Variants in UBE2R2 observed in about 807,000 individuals in gnomAD.
The protein encoded by UBE2R2 is ubiquitin conjugating enzyme E2 R2, also known as ubiquitin-conjugating enzyme E2 R2.
In UBE2R2, 1 loss-of-function variant was observed where a neutral mutation model predicts 27.8. That is an observed-to-expected ratio of 0.04 (90% confidence interval 0.01 to 0.17). The LOEUF (loss-of-function observed/expected upper bound fraction) is 0.17, where lower values mean the gene tolerates loss of function less well. Ranked by LOEUF, UBE2R2 falls within the 10% of genes least tolerant of loss-of-function variation. The pLI, the probability that UBE2R2 is intolerant of heterozygous loss-of-function variation, is 1.00. For synonymous variants in UBE2R2, 106 were observed against 113.3 expected, an observed-to-expected ratio of 0.94 and a Z score of 0.41; for missense variants, 100 against 291.0, an observed-to-expected ratio of 0.34 and a Z score of 4.78.
At chr9:33,897,604 C>T (rs932955974) in intron 2 of UBE2R2, among the ~76,000 whole-genome samples, 7 of 151,818 alleles carry the variant, frequency 4.6e-5, no homozygotes, top group Non-Finnish European at 8.8e-5. Flanking sequence ...AGGCGTGAGC[C>T]ACTGCACCTG....
chr9:33,899,415 C>T, intron 2 of UBE2R2, among the ~76,000 whole-genome samples: 1 of 148,440 alleles, frequency 6.7e-6, no homozygotes, highest in East Asian at 2.0e-4. Flanking sequence ...CCCTCTGTTG[C>T]CCAGGATGGA....
chr9:33,876,549 C>T (rs1422659642), intron 1 of UBE2R2, among the ~76,000 whole-genome samples: 1 of 152,102 alleles, frequency 6.6e-6, no homozygotes, highest in East Asian at 1.9e-4. Flanking sequence ...AATAGCCTTA[C>T]CAGAAGCACA....
upstream of UBE2R2, among the ~76,000 whole-genome samples, chr9:33,816,498 T>C (rs2130684071): frequency 6.6e-6 from 1 of 152,334 alleles, no homozygotes; most frequent in East Asian, 1.9e-4. Context: ...ATTGTCTTTT[T>C]CCTCACAACT....
chr9:33,891,249 C>T (rs1260348430), intron 2 of UBE2R2, among the ~76,000 whole-genome samples: 1 of 151,822 alleles, frequency 6.6e-6, no homozygotes, highest in Non-Finnish European at 1.5e-5. Flanking sequence ...ACATCTTGGC[C>T]AGGCTGGTCT....
intron 1 of UBE2R2, among the ~76,000 whole-genome samples, chr9:33,878,624 A>G (rs1821666502): frequency 6.6e-6 from 1 of 152,188 alleles, no homozygotes; most frequent in Non-Finnish European, 1.5e-5. Flanking sequence ...TCTCAAATTT[A>G]CAAAAAAAAG....
At chr9:33,852,519 A>C (rs1408055105) in intron 1 of UBE2R2, among the ~76,000 whole-genome samples, 2 of 152,140 alleles carry the variant, frequency 1.3e-5, no homozygotes, top group Non-Finnish European at 2.9e-5. Context: ...GTTGATGCCA[A>C]GTTCTTTGGC....
At chr9:33,873,876 C>G (rs1354279222) in intron 1 of UBE2R2, among the ~76,000 whole-genome samples, 1 of 151,916 alleles carries the variant, frequency 6.6e-6, no homozygotes, top group Non-Finnish European at 1.5e-5. Context: ...CTTCTGGGCT[C>G]AAGCGATCCG....
chr9:33,904,391 A>G (rs1822307162), intron 3 of UBE2R2, among the ~76,000 whole-genome samples: 1 of 152,154 alleles, frequency 6.6e-6, no homozygotes, highest in East Asian at 1.9e-4. Flanking sequence ...TGGAGATGGC[A>G]TAGGGTTCAT....
intron 2 of UBE2R2, among the ~76,000 whole-genome samples, chr9:33,887,646 TTTTGTTTG>T (rs201263026): frequency 0.051 from 7,650 of 150,180 alleles, 254 homozygotes; most frequent in African/African-American, 0.095. Context: ...AAGTGTGCTT[TTTTGTTTG>T]TTTGTTTGTT....
At chr9:33,914,003 A>G (rs749509607) in intron 4 of UBE2R2, among the ~76,000 whole-genome samples, 1 of 152,208 alleles carries the variant, frequency 6.6e-6, no homozygotes, top group Non-Finnish European at 1.5e-5. Flanking sequence ...TTAGGTATAC[A>G]TATTCCCAAG....
At chr9:33,906,645 C>T (rs1236418925) in intron 3 of UBE2R2, among the ~76,000 whole-genome samples, 1 of 152,122 alleles carries the variant, frequency 6.6e-6, no homozygotes, top group Non-Finnish European at 1.5e-5. Flanking sequence ...CTTATGGTGA[C>T]ATAGTAGCTA....
At chr9:33,902,904 A>G (rs1314852545) in intron 3 of UBE2R2, among the ~76,000 whole-genome samples, 1 of 152,158 alleles carries the variant, frequency 6.6e-6, no homozygotes, top group Non-Finnish European at 1.5e-5. Flanking sequence ...GTTCAAGACT[A>G]GCCTGACCAA....
chr9:33,844,515 ATTTTTTTT>A (rs34578523), intron 1 of UBE2R2, among the ~76,000 whole-genome samples: 1 of 110,170 alleles, frequency 9.1e-6, no homozygotes, highest in Non-Finnish European at 1.8e-5. Context: ...TCCCACATCT[ATTTTTTTT>A]TTTTTTTTTT....
intron 1 of UBE2R2, among the ~76,000 whole-genome samples, chr9:33,820,208 C>T (rs1825954005): frequency 6.6e-6 from 1 of 152,142 alleles, no homozygotes; most frequent in Admixed American, 6.5e-5. Context: ...AGAACCCTCT[C>T]TGAAATAGGA....
chr9:33,855,051 A>G (rs13285886), intron 1 of UBE2R2, among the ~76,000 whole-genome samples: 10,306 of 151,988 alleles, frequency 0.068, 490 homozygotes, highest in Non-Finnish European at 0.099. Flanking sequence ...TAGTTAATTC[A>G]TATATTTTTC....
At chr9:33,899,882 A>G (rs1386618662) in intron 2 of UBE2R2, among the ~76,000 whole-genome samples, 1 of 152,002 alleles carries the variant, frequency 6.6e-6, no homozygotes, top group African/African-American at 2.4e-5. Flanking sequence ...GTCGAAATAA[A>G]TATTATATTT....
chr9:33,878,853 G>A (rs1388937026), intron 1 of UBE2R2, among the ~76,000 whole-genome samples: 1 of 152,158 alleles, frequency 6.6e-6, no homozygotes, highest in South Asian at 2.1e-4. Context: ...AAGATTGTGA[G>A]TTATTTACAC....
intron 1 of UBE2R2, among the ~76,000 whole-genome samples, chr9:33,822,596 A>T (rs942671084): frequency 1.3e-4 from 7 of 53,134 alleles, no homozygotes; most frequent in Non-Finnish European, 2.4e-4. Context: ...TTTTAATTTA[A>T]AAAAAAAATT....
At chr9:33,882,417 G>A (rs921224999) in intron 1 of UBE2R2, among the ~76,000 whole-genome samples, 4 of 152,100 alleles carry the variant, frequency 2.6e-5, no homozygotes, top group Non-Finnish European at 5.9e-5. Context: ...CTCCCGAGTA[G>A]CTGGGATTAC....
Sources: gnomAD v4.1 joint callset for allele counts (sites outside exome capture counted in the v4.1 genomes callset) on GRCh38, gnomAD v4.1.1 for gene constraint, MANE v1.5 for transcripts, NCBI Gene and HGNC (gene_info 2026-07-23, HGNC 2026-07-21) for gene names.